The following MYO9B variants were observed in gnomAD, a reference collection of about 807,000 sequenced individuals.
MYO9B encodes unconventional myosin-IXb.
Under a neutral mutation model 229.5 loss-of-function variants are expected in MYO9B, and 71 were observed. That is an observed-to-expected ratio of 0.31 (90% CI 0.26 to 0.38). The LOEUF is 0.38. MYO9B is among the 10% of genes least tolerant of loss of function. The pLI, the probability that MYO9B is intolerant of heterozygous loss-of-function variation, is 1.00. For synonymous variants in MYO9B, 1,185 were observed against 1,235.8 expected (o/e 0.96, Z 0.86); for missense variants, 2,255 against 2,920.5 (o/e 0.77, Z 5.25).
At chr19:17,121,444 A>AATATAT (rs59741893) in intron 2 of MYO9B, among the ~76,000 whole-genome samples, 109 of 142,618 alleles carry the variant, frequency 7.6e-4, no homozygotes, top group Middle Eastern at 3.6e-3. Context: ...ATGTATTCCA[A>AATATAT]ATATATATAT....
At chr19:17,206,514 C>G in intron 33 of MYO9B, 138 bp downstream of exon 33, 1 of 1,396,908 alleles carries the variant, frequency 7.2e-7, no homozygotes, top group Non-Finnish European at 9.6e-7. Flanking sequence ...CCAGCCAAAC[C>G]GGGTCCCCAG....
intron 1 of MYO9B, among the ~76,000 whole-genome samples, chr19:17,082,583 G>A (rs1345087597): frequency 6.6e-6 from 1 of 152,256 alleles, no homozygotes; most frequent in East Asian, 1.9e-4. Context: ...CCCAGGGTAT[G>A]GGTACTCACG....
intron 1 of MYO9B, among the ~76,000 whole-genome samples, chr19:17,087,755 C>T (rs1375051360): frequency 6.6e-6 from 1 of 152,074 alleles, no homozygotes; most frequent in Non-Finnish European, 1.5e-5. Context: ...TGTGGTGAAA[C>T]CCTGTCTCTA....
chr19:17,128,266 C>T (rs191528011), intron 2 of MYO9B, among the ~76,000 whole-genome samples: 2 of 152,098 alleles, frequency 1.3e-5, no homozygotes, highest in African/African-American at 2.4e-5. Context: ...TGGTATGCGC[C>T]GGTGGTCCCA....
chr19:17,133,109 G>T (rs1599356214), intron 2 of MYO9B, among the ~76,000 whole-genome samples: 1 of 152,076 alleles, frequency 6.6e-6, no homozygotes, highest in East Asian at 1.9e-4. Context: ...GCCTCCCAAA[G>T]TGCTGGCATT....
At chr19:17,104,107 T>C (rs2057771515) in intron 2 of MYO9B, among the ~76,000 whole-genome samples, 1 of 150,920 alleles carries the variant, frequency 6.6e-6, no homozygotes, top group Non-Finnish European at 1.5e-5. Flanking sequence ...TTCCAGAACA[T>C]GGCCATTCAT....
chr19:17,111,359 A>G (rs1024803950), intron 2 of MYO9B, among the ~76,000 whole-genome samples: 2 of 152,168 alleles, frequency 1.3e-5, no homozygotes, highest in African/African-American at 4.8e-5. Context: ...TGGAGATATA[A>G]TTTACCTATT....
At position 17,206,375 on chromosome 19, in the gene MYO9B, C is replaced by T. The variant is rs746973328; in HGVS notation, c.5385C>T (p.Val1795=). The T allele has an allele frequency of 6.2e-6, 10 of 1,609,916 alleles. No individual in the cohort carries two copies. Among genetic ancestry groups the T allele is most frequent in the South Asian group, 2.2e-5 (2 of 90,844 alleles). ...AGTACGGCGACTTCCTCCGAGCCGTCGGTGAGCCCCATGGCGGTGCGGGTG... is the reference window on the plus strand; with the variant it reads ...AGTACGGCGACTTCCTCCGAGCCGTTGGTGAGCCCCATGGCGGTGCGGGTG... ...FAQYGDFLRA[V]ELPEKQEQLA... Residue 1795 remains valine, a splice_region_variant and synonymous_variant, in exon 33 of 40, where the codon GTC becomes GTT. Coordinates refer to ENST00000682292, the MANE Select transcript of MYO9B (RefSeq NM_004145.4).
chr19:17,202,505 CACCT>C (rs570431145), intron 28 of MYO9B, among the ~76,000 whole-genome samples: 367 of 151,988 alleles, frequency 2.4e-3, no homozygotes, highest in Non-Finnish European at 3.7e-3. Context: ...ATGCCACACC[CACCT>C]GACATGCCAC....
rs376277829 is a variant in MYO9B, at chr19:17,207,091, C to T, written c.5493-22C>T. 3.7e-6 allele frequency: 6 copies of T among 1,610,124 alleles called. No homozygotes were observed. In the Admixed American group the frequency reaches 5.0e-5, roughly 14 times the overall value. On this transcript the variant is annotated intron_variant, in intron 34 of 39. Coordinates refer to ENST00000682292, the MANE Select transcript of MYO9B (RefSeq NM_004145.4). The stretch of plus-strand genomic sequence containing the variant: ...TCCCTCCCTCGGCCCTAGCCATCCT[C>T]TAACTGCCAGTGGCTGTGCAGGGTG...
At chr19:17,089,832 A>G (rs2057619651) in intron 1 of MYO9B, among the ~76,000 whole-genome samples, 1 of 152,180 alleles carries the variant, frequency 6.6e-6, no homozygotes, top group Non-Finnish European at 1.5e-5. Context: ...AGTAACATTC[A>G]GTGCATTCAC....
intron 11 of MYO9B, among the ~76,000 whole-genome samples, chr19:17,170,693 A>G (rs1172803532): frequency 6.8e-6 from 1 of 148,016 alleles, no homozygotes; most frequent in Non-Finnish European, 1.5e-5. Context: ...GCACAGTGGC[A>G]TGCACCTATA....
At chr19:17,082,750 A>T (rs1377628600) in intron 1 of MYO9B, among the ~76,000 whole-genome samples, 1 of 152,014 alleles carries the variant, frequency 6.6e-6, no homozygotes, top group Non-Finnish European at 1.5e-5. Context: ...GATCGTACTT[A>T]TTTGGCCCAT....
In MYO9B at chr19:17,192,786, C is replaced by T. The variant is rs150022912; in HGVS notation, c.2852C>T (p.Thr951Met). 2.7e-5 allele frequency: 42 copies of T among 1,559,156 alleles called. No homozygotes were observed. The East Asian group carries it at 5.3e-4, about 20-fold the overall frequency. Reference sequence around the variant, plus strand: ...ACGGAGCGGCAAGCCCTGCAGGAGACGCTGCACCGGGAGGTGGTGCGGAAA... The same window carrying T: ...ACGGAGCGGCAAGCCCTGCAGGAGATGCTGCACCGGGAGGTGGTGCGGAAA... ...KETERQALQETLHREVVRKIL... is the reference protein window; with the variant it reads ...KETERQALQEMLHREVVRKIL... Residue 951 changes from threonine to methionine, a missense_variant, in exon 21 of 40, where the codon ACG becomes ATG. This residue lies in a region of MYO9B where 679 missense variants were observed against 770.2 expected (regional missense o/e 0.88). Coordinates refer to ENST00000682292, the MANE Select transcript of MYO9B (RefSeq NM_004145.4).
chr19:17,141,388 G>A (rs1032954083), intron 2 of MYO9B, among the ~76,000 whole-genome samples: 1 of 152,108 alleles, frequency 6.6e-6, no homozygotes, highest in East Asian at 1.9e-4. Context: ...AACTTTCCAC[G>A]TGTGACTGCA....
At chr19:17,133,541 C>T (rs2072229450) in intron 2 of MYO9B, among the ~76,000 whole-genome samples, 4 of 151,990 alleles carry the variant, frequency 2.6e-5, no homozygotes, top group African/African-American at 9.7e-5. Context: ...ACTGCAGCCT[C>T]AACTTCCTGG....
rs117133754 is a variant in MYO9B at position 17,108,489 on chromosome 19, C to T, written c.840+5932C>T. Among the ~76,000 whole-genome samples the T allele has an allele frequency of 4.8e-3, 731 of 152,220 alleles. 4 individuals are homozygous for T. Among genetic ancestry groups the T allele is most frequent in the Middle Eastern group, 0.041 (12 of 294 alleles). ...CCACCCACCAGATGCCAGGAGCACT[C>T]CCCACCCCGCAGGTGTGACACCCAG... On this transcript the variant is annotated intron_variant, in intron 2 of 39. Transcript: ENST00000682292.
Position 17,192,807 on chromosome 19 carries a change from G to T in MYO9B, c.2873G>T (p.Arg958Leu). 1 of 1,557,258 alleles carries T rather than the reference G, an allele frequency of 6.4e-7. No homozygotes were observed. Among genetic ancestry groups the T allele is most frequent in the East Asian group, 2.4e-5 (1 of 41,312 alleles). The change falls in exon 21 of 40, where the codon CGG (arginine) becomes CTG (leucine). Residue 958 changes from arginine to leucine, a missense_variant. Physicochemically the swap from Arg to Leu is moderately radical, Grantham distance 102 (BLOSUM62 -2). Around this residue, in one of 7 missense-constraint regions of MYO9B, gnomAD observed 679 missense variants for 770.2 expected, o/e 0.88. Transcript: ENST00000682292. ...GAGACGCTGCACCGGGAGGTGGTGC[G>T]GAAAATCCTGCTGCTGCAGAGCTGG... ...LQETLHREVV[R>L]KILLLQSWFR...
At chr19:17,171,189 G>A (rs1377164979) in intron 11 of MYO9B, among the ~76,000 whole-genome samples, 1 of 152,194 alleles carries the variant, frequency 6.6e-6, no homozygotes, top group Non-Finnish European at 1.5e-5. Context: ...AGCCCCCGAT[G>A]TTGGGATCTG....
Sources: allele counts gnomAD v4.1 joint callset (sites outside exome capture counted in the v4.1 genomes callset), GRCh38; gene constraint gnomAD v4.1.1; regional missense constraint gnomAD v4.1.1; transcripts MANE v1.5; gene names NCBI Gene and HGNC (gene_info 2026-07-23, HGNC 2026-07-21).